NEO1: variants seen among roughly 807,000 people sequenced by gnomAD.
NEO1 encodes neogenin.
Under a neutral mutation model 159.7 loss-of-function variants are expected in NEO1, and 63 were observed. The observed-to-expected ratio is 0.39, with a 90% CI of 0.32 to 0.49. The LOEUF (loss-of-function observed/expected upper bound fraction) is 0.49, where lower values mean the gene tolerates loss of function less well. NEO1 is among the 20% of genes least tolerant of loss of function. The pLI is 0.85. For missense variants in NEO1, 1,615 were observed against 1,831.0 expected (o/e 0.88, Z 2.15); for synonymous variants, 633 against 662.0 (o/e 0.96, Z 0.67).
chr15:73,116,289 AT>A (rs2071307603), intron 1 of NEO1, among the ~76,000 whole-genome samples: 1 of 152,172 alleles, frequency 6.6e-6, no homozygotes, highest in Non-Finnish European at 1.5e-5. Context: ...TACTCATGTC[AT>A]TTAACAAGGC....
At chr15:73,203,383 G>A (rs62017776) in intron 7 of NEO1, among the ~76,000 whole-genome samples, 46,849 of 151,882 alleles carry the variant, frequency 0.31, 8,800 homozygotes, top group Admixed American at 0.44. Flanking sequence ...CTTGTAGACA[G>A]CACATAGTTT....
At chr15:73,204,321 G>A (rs2037090023) in intron 7 of NEO1, among the ~76,000 whole-genome samples, 2 of 151,300 alleles carry the variant, frequency 1.3e-5, no homozygotes, top group Non-Finnish European at 2.9e-5. Context: ...TATTTATTGT[G>A]CTTGGTATCC....
intron 1 of NEO1, 43 bp from the exon 2 acceptor site, chr15:73,116,497 A>G (rs752949466): frequency 6.8e-7 from 1 of 1,460,078 alleles, no homozygotes; most frequent in Non-Finnish European, 9.1e-7. Context: ...AAATAATAGA[A>G]GAGAGATTTG....
Position 73,244,406 on chromosome 15 carries a change from C to T in NEO1, c.1514C>T (p.Pro505Leu). 1 of 1,614,016 alleles carries T rather than the reference C, an allele frequency of 6.2e-7. No individual in the cohort carries two copies. The highest frequency in any genetic ancestry group is 8.5e-7 in the Non-Finnish European group (1 of 1,179,964). Reference protein sequence around the residue: ...EMQVTIQNLMPATVYIFRVMA... With the variant: ...EMQVTIQNLMLATVYIFRVMA... Reference sequence around the variant, plus strand: ...CAAGTAACCATTCAAAACCTAATGCCAGCGACCGTGTACATCTTTAGAGTT... The same window carrying T: ...CAAGTAACCATTCAAAACCTAATGCTAGCGACCGTGTACATCTTTAGAGTT... The change falls in exon 9 of 29, where the codon CCA (proline) becomes CTA (leucine). Residue 505 changes from proline (P) to leucine (L), a missense_variant. Pro to Leu is a moderately conservative substitution (Grantham distance 98). Around this residue, in one of 3 missense-constraint regions of NEO1, gnomAD observed 1,018 missense variants for 1,115.4 expected, o/e 0.91. Coordinates refer to ENST00000261908, the MANE Select transcript of NEO1 (RefSeq NM_002499.4).
At chr15:73,067,136 A>G (rs2068262145) in intron 1 of NEO1, among the ~76,000 whole-genome samples, 1 of 152,018 alleles carries the variant, frequency 6.6e-6, no homozygotes, top group Non-Finnish European at 1.5e-5. Context: ...TCCCATTTGT[A>G]TTTCTTTGGA....
intron 22 of NEO1, among the ~76,000 whole-genome samples, chr15:73,279,874 C>T (rs989319407): frequency 1.3e-5 from 2 of 152,138 alleles, no homozygotes; most frequent in African/African-American, 2.4e-5. Context: ...ATAAAACAGC[C>T]TGCTCTCTCC....
chr15:73,243,064 G>T (rs146611240), intron 8 of NEO1, among the ~76,000 whole-genome samples: 1 of 152,166 alleles, frequency 6.6e-6, no homozygotes, highest in Non-Finnish European at 1.5e-5. Flanking sequence ...AGATTTAGCC[G>T]AAGAGAAAAT....
At chr15:73,151,210 A>G (rs1466032492) in intron 5 of NEO1, among the ~76,000 whole-genome samples, 1 of 152,190 alleles carries the variant, frequency 6.6e-6, no homozygotes, top group Non-Finnish European at 1.5e-5. Flanking sequence ...GTGATGTTGA[A>G]TACTTTACGA....
intron 1 of NEO1, among the ~76,000 whole-genome samples, chr15:73,107,827 T>G (rs1388414932): frequency 2.0e-5 from 3 of 152,228 alleles, no homozygotes; most frequent in African/African-American, 7.2e-5. Context: ...TGAATGTGCA[T>G]CAGTATTGGG....
At chr15:73,103,802 A>G (rs948054672) in intron 1 of NEO1, among the ~76,000 whole-genome samples, 1 of 152,156 alleles carries the variant, frequency 6.6e-6, no homozygotes, top group Non-Finnish European at 1.5e-5. Flanking sequence ...AAGAAAAATA[A>G]TTTTATTCTT....
At chr15:73,119,332 T>G (rs1803230077) in intron 2 of NEO1, among the ~76,000 whole-genome samples, 1 of 152,212 alleles carries the variant, frequency 6.6e-6, no homozygotes, top group Admixed American at 6.5e-5. Flanking sequence ...GACTTAGAGT[T>G]TTTTGGTTGC....
At chr15:73,296,002 G>T (rs1250116271) in intron 26 of NEO1, among the ~76,000 whole-genome samples, 1 of 152,180 alleles carries the variant, frequency 6.6e-6, no homozygotes, top group African/African-American at 2.4e-5. Context: ...CACTGTCAGG[G>T]AGCACCCTTC....
chr15:73,208,732 C>T (rs539718995), intron 7 of NEO1, among the ~76,000 whole-genome samples: 5 of 152,146 alleles, frequency 3.3e-5, no homozygotes, highest in South Asian at 2.1e-4. Flanking sequence ...CATCGTGGCA[C>T]GCGCCTGTAG....
Position 73,052,824 on chromosome 15 carries a change from C to A in NEO1, c.130+19C>A. 1 of 733,176 alleles carries A rather than the reference C, an allele frequency of 1.4e-6. No homozygotes were observed. The highest frequency in any genetic ancestry group is 1.7e-6 in the Non-Finnish European group (1 of 591,918). The allele number at this position is 733,176 out of a possible 1,614,324, so 45.4% of individuals were successfully genotyped here. On this transcript the variant is annotated intron_variant, in intron 1 of 28. Coordinates refer to ENST00000261908, the MANE Select transcript of NEO1 (RefSeq NM_002499.4). ...TCCCCAGGTAAGCGGCGGGCGCGGG[C>A]CCGGGGGTTCGCGGGGGCGCGGCAC... is the stretch of plus-strand genomic sequence containing the variant.
intron 5 of NEO1, chr15:73,162,128 G>C (rs1197818576): frequency 4.4e-6 from 1 of 226,252 alleles, no homozygotes; most frequent in Non-Finnish European, 9.1e-6. Context: ...CACAACCCGG[G>C]TAACCTTGCT....
chr15:73,137,219 A>G (rs771531344), intron 5 of NEO1, among the ~76,000 whole-genome samples: 1 of 152,206 alleles, frequency 6.6e-6, no homozygotes, highest in East Asian at 1.9e-4. Context: ...CAAGTGAATA[A>G]TGTATGCTAT....
intron 1 of NEO1, among the ~76,000 whole-genome samples, chr15:73,083,705 AC>A (rs2069195129): frequency 6.6e-6 from 1 of 152,198 alleles, no homozygotes; most frequent in Admixed American, 6.5e-5. Context: ...ACTGTGCTGT[AC>A]ATGTTATTTT....
intron 23 of NEO1, among the ~76,000 whole-genome samples, chr15:73,288,024 TATCTTA>T (rs1260301142): frequency 2.6e-5 from 4 of 152,326 alleles, no homozygotes; most frequent in African/African-American, 7.2e-5. Context: ...TGAAAAATGC[TATCTTA>T]ATCTTTTAAC....
chr15:73,254,044 AG>A (rs2040216321), intron 12 of NEO1, among the ~76,000 whole-genome samples: 1 of 152,174 alleles, frequency 6.6e-6, no homozygotes, highest in Non-Finnish European at 1.5e-5. Context: ...TACTGTAGAG[AG>A]CCAAATGCAG....
Sources: allele counts gnomAD v4.1 joint callset (sites outside exome capture counted in the v4.1 genomes callset), GRCh38; gene constraint gnomAD v4.1.1; regional missense constraint gnomAD v4.1.1; transcripts MANE v1.5; gene names NCBI Gene and HGNC (gene_info 2026-07-23, HGNC 2026-07-21).